The following UBE2G1 variants were observed in gnomAD, a reference collection of about 807,000 sequenced individuals.
UBE2G1 encodes the protein ubiquitin conjugating enzyme E2 G1.
In UBE2G1, 5 loss-of-function variants were observed where a neutral mutation model predicts 22.7. The observed-to-expected ratio is 0.22, with a 90% CI of 0.12 to 0.46. The LOEUF (loss-of-function observed/expected upper bound fraction) is 0.46, where lower values mean the gene tolerates loss of function less well. UBE2G1 is among the 20% of genes least tolerant of loss of function. UBE2G1 has a pLI of 0.99. For missense variants in UBE2G1, 88 were observed against 203.9 expected (o/e 0.43, Z 3.46); for synonymous variants, 74 against 67.5 (o/e 1.10, Z -0.47).
intron 1 of UBE2G1, among the ~76,000 whole-genome samples, chr17:4,347,457 A>ACAGTATTT (rs1555523315): frequency 4.4e-5 from 6 of 135,446 alleles, no homozygotes; most frequent in Non-Finnish European, 4.6e-5. Flanking sequence ...GGTAATTCTC[A>ACAGTATTT]CAGTATTTCT....
Position 4,271,053 on chromosome 17 carries a change from A to C in UBE2G1, c.*1501T>G, listed in dbSNP as rs967291418. 6.6e-6 allele frequency: 1 copy of C among 152,208 alleles called. No individual in the cohort carries two copies. Among genetic ancestry groups the C allele is most frequent in the Non-Finnish European group, 1.5e-5 (1 of 68,036 alleles). The allele number at this position is 152,208 out of a possible 1,614,324, so 9.4% of individuals were successfully genotyped here. A position where few individuals can be genotyped will look rare whatever the true frequency, so the allele number is the denominator to read the frequency against. ...ATAAGCCAAAGACTACTTCCCACAC[A>C]CAACCTCACAACAAACATGAAGGAG... On this transcript the variant is annotated 3_prime_UTR_variant, in exon 6 of 6. Transcript: ENST00000396981.
At chr17:4,363,695 G>A (rs1969994379) in intron 1 of UBE2G1, among the ~76,000 whole-genome samples, 1 of 152,112 alleles carries the variant, frequency 6.6e-6, no homozygotes. Flanking sequence ...GCTCACGTCT[G>A]TAATCCCAGC....
At chr17:4,357,342 T>C (rs1183206412) in intron 1 of UBE2G1, among the ~76,000 whole-genome samples, 3 of 151,958 alleles carry the variant, frequency 2.0e-5, no homozygotes, top group Non-Finnish European at 4.4e-5. Context: ...TAGACTAACA[T>C]AAATTAAATC....
At chr17:4,303,380 A>G (rs1350568554) in intron 2 of UBE2G1, among the ~76,000 whole-genome samples, 2 of 152,240 alleles carry the variant, frequency 1.3e-5, no homozygotes, top group Non-Finnish European at 2.9e-5. Flanking sequence ...AAACTGCAAA[A>G]GGGGAAAAAA....
Position 4,302,068 on chromosome 17 carries a change from T to C in UBE2G1, c.149+4953A>G, listed in dbSNP as rs1452418930. 1.6e-5 allele frequency: 8 copies of C among 509,890 alleles called. No individual in the cohort carries two copies. In the Admixed American group the frequency reaches 1.7e-4, roughly 11 times the overall value. 31.6% of individuals were successfully genotyped at this position (509,890 alleles called of 1,614,324 possible). A position where few individuals can be genotyped will look rare whatever the true frequency, so the allele number is the denominator to read the frequency against. On this transcript the variant is annotated intron_variant, in intron 2 of 5. Coordinates refer to ENST00000396981, the MANE Select transcript of UBE2G1 (RefSeq NM_003342.5). Reference sequence around the variant, plus strand: ...AAAAAGGGGGGGGAAGTTTTTACATTAACTGATGTAAAGGATTTCTCCTTA... The same window carrying C: ...AAAAAGGGGGGGGAAGTTTTTACATCAACTGATGTAAAGGATTTCTCCTTA...
chr17:4,365,814 C>T (rs967261893), intron 1 of UBE2G1, among the ~76,000 whole-genome samples: 4 of 152,196 alleles, frequency 2.6e-5, no homozygotes, highest in African/African-American at 9.6e-5. Flanking sequence ...CCCGCCAGGG[C>T]CGGTCCCTTC....
intron 4 of UBE2G1, among the ~76,000 whole-genome samples, chr17:4,287,595 T>A (rs1039514918): frequency 2.0e-5 from 3 of 152,240 alleles, no homozygotes; most frequent in Admixed American, 6.5e-5. Context: ...AGTTCAATTC[T>A]ATTATTAATT....
chr17:4,302,666 C>CA (rs1366540159), intron 2 of UBE2G1: 5 of 292,554 alleles, frequency 1.7e-5, no homozygotes, highest in African/African-American at 1.1e-4. Context: ...TTCCACAAGA[C>CA]AAAGGGAAGA....
chr17:4,327,450 C>A (rs1318644456), intron 1 of UBE2G1, among the ~76,000 whole-genome samples: 1 of 151,924 alleles, frequency 6.6e-6, no homozygotes, highest in Non-Finnish European at 1.5e-5. Context: ...CCAGCCTGGG[C>A]AACAGAGCGA....
At chr17:4,294,422 AAAAAAAAAAAAAAAAAAAG>A (rs1392567694) in intron 3 of UBE2G1, among the ~76,000 whole-genome samples, 3 of 17,870 alleles carry the variant, frequency 1.7e-4, no homozygotes, top group African/African-American at 2.0e-4. Flanking sequence ...TCTCAAAAAA[AAAAAAAAAAAAAAAAAAAG>A]AAAGAAACGA....
Position 4,275,109 on chromosome 17 carries a change from A to C in UBE2G1, c.*38-2593T>G, listed in dbSNP as rs561600993. Among the ~76,000 whole-genome samples the C allele has an allele frequency of 4.1e-4, 63 of 152,330 alleles. 1 individual carries two copies. The highest frequency in any genetic ancestry group is 1.5e-3 in the African/African-American group (63 of 41,558). On this transcript the variant is annotated intron_variant, in intron 5 of 5. Coordinates refer to ENST00000396981, the MANE Select transcript of UBE2G1 (RefSeq NM_003342.5). ...AGAGCAAGACTCCCGTCTTAAAAAA[A>C]AACAACACTAAAATCAGGCGACCTA...
chr17:4,273,330 A>C (rs1968782371), intron 5 of UBE2G1, among the ~76,000 whole-genome samples: 1 of 152,154 alleles, frequency 6.6e-6, no homozygotes, highest in Non-Finnish European at 1.5e-5. Flanking sequence ...AAAGTTAGAA[A>C]AACACTAGGT....
intron 1 of UBE2G1, among the ~76,000 whole-genome samples, chr17:4,327,806 GAC>G (rs1392272432): frequency 6.6e-6 from 1 of 152,094 alleles, no homozygotes; most frequent in East Asian, 1.9e-4. Flanking sequence ...CACACCCAAA[GAC>G]AGCACCATTA....
intron 1 of UBE2G1, among the ~76,000 whole-genome samples, chr17:4,340,137 T>C (rs1969695073): frequency 6.6e-6 from 1 of 152,042 alleles, no homozygotes. Flanking sequence ...CCCAGGCTGG[T>C]CTCAAATTCC....
In UBE2G1 at chr17:4,269,682, A is replaced by G. The variant is rs1968729082; in HGVS notation, c.*2872T>C. 5.4e-6 allele frequency: 1 copy of G among 186,392 alleles called. No individual in the cohort carries two copies. Among genetic ancestry groups the G allele is most frequent in the East Asian group, 1.9e-4 (1 of 5,190 alleles). The allele number at this position is 186,392 out of a possible 1,614,324, so 11.5% of individuals were successfully genotyped here. A position where few individuals can be genotyped will look rare whatever the true frequency, so the allele number is the denominator to read the frequency against. On this transcript the variant is annotated 3_prime_UTR_variant, in exon 6 of 6. Coordinates refer to ENST00000396981, the MANE Select transcript of UBE2G1 (RefSeq NM_003342.5). The stretch of plus-strand genomic sequence containing the variant: ...CATATGGATTTTAAACTCAAAAAAG[A>G]GGCCAGAAAGCCACTCAGATCATCT...
At chr17:4,329,529 G>C (rs1969544668) in intron 1 of UBE2G1, among the ~76,000 whole-genome samples, 1 of 151,900 alleles carries the variant, frequency 6.6e-6, no homozygotes, top group Non-Finnish European at 1.5e-5. Context: ...CTGCACTCCA[G>C]CCTGGGTGAA....
chr17:4,328,422 T>A (rs1969526321), intron 1 of UBE2G1, among the ~76,000 whole-genome samples: 1 of 152,224 alleles, frequency 6.6e-6, no homozygotes. Context: ...GGTGATTTAA[T>A]AGACCTAGTA....
intron 1 of UBE2G1, among the ~76,000 whole-genome samples, chr17:4,340,904 A>C (rs1220976281): frequency 6.6e-6 from 1 of 150,542 alleles, no homozygotes; most frequent in Non-Finnish European, 1.5e-5. Flanking sequence ...TAAAAAAAAA[A>C]AAAAAAAACA....
intron 1 of UBE2G1, among the ~76,000 whole-genome samples, chr17:4,346,586 C>T (rs1018925125): frequency 2.0e-5 from 3 of 151,678 alleles, no homozygotes; most frequent in Admixed American, 6.6e-5. Context: ...TAGGTGTGCA[C>T]CACCATGCCC....
Sources: allele counts gnomAD v4.1 joint callset (sites outside exome capture counted in the v4.1 genomes callset), GRCh38; gene constraint gnomAD v4.1.1; transcripts MANE v1.5; gene names NCBI Gene and HGNC (gene_info 2026-07-23, HGNC 2026-07-21).